CCSER1: variants seen among roughly 807,000 people sequenced by gnomAD.
The protein encoded by CCSER1 is serine-rich coiled-coil domain-containing protein 1.
CCSER1 carries 41 observed loss-of-function variants against 82.0 expected under a neutral mutation model. The ratio of observed to expected loss-of-function variants is 0.50; its 90% CI spans 0.39 to 0.65. CCSER1 has a LOEUF of 0.65. Ranked by LOEUF, CCSER1 falls within the 30% of genes least tolerant of loss-of-function variation. CCSER1 has a pLI of 0.00. For missense variants in CCSER1, 1,119 were observed against 1,064.2 expected (o/e 1.05, Z -0.72); for synonymous variants, 414 against 383.9 (o/e 1.08, Z -0.92).
chr4:90,565,412 G>A (rs1303804276), intron 5 of CCSER1, among the ~76,000 whole-genome samples: 3 of 152,084 alleles, frequency 2.0e-5, no homozygotes, highest in Non-Finnish European at 4.4e-5. Flanking sequence ...ACCATATTGA[G>A]TAATGTCTTT....
At chr4:90,155,385 T>C (rs1727889231) in intron 1 of CCSER1, among the ~76,000 whole-genome samples, 1 of 152,186 alleles carries the variant, frequency 6.6e-6, no homozygotes, top group Non-Finnish European at 1.5e-5. Context: ...AGGATGATGC[T>C]GGCCTCATAA....
At chr4:90,805,029 C>G (rs1757323732) in intron 7 of CCSER1, among the ~76,000 whole-genome samples, 1 of 152,028 alleles carries the variant, frequency 6.6e-6, no homozygotes, top group Non-Finnish European at 1.5e-5. Flanking sequence ...AAAAAATTTA[C>G]TGTATGCATT....
chr4:91,389,645 T>C (rs1404712713), intron 10 of CCSER1, among the ~76,000 whole-genome samples: 1 of 152,008 alleles, frequency 6.6e-6, no homozygotes, highest in Admixed American at 6.6e-5. Context: ...GTGGGGATTG[T>C]GTTGAATCTG....
At chr4:90,442,463 CAG>C (rs142427567) in intron 4 of CCSER1, among the ~76,000 whole-genome samples, 2,577 of 152,234 alleles carry the variant, frequency 0.017, 71 homozygotes, top group African/African-American at 0.059. Context: ...TCTAGTTCCA[CAG>C]AGTTTTCAGA....
In CCSER1 at chr4:91,222,166, G is replaced by T. The variant is rs1022776852; in HGVS notation, c.2217+136172G>T. On this transcript the variant is annotated intron_variant, in intron 10 of 10. Transcript: ENST00000509176. ...GCTGCTACTGTGAACTGATTTTCAGGGCTGAATGAAGAAGCACGGATTATG... is the reference window on the plus strand; with the variant it reads ...GCTGCTACTGTGAACTGATTTTCAGTGCTGAATGAAGAAGCACGGATTATG... Among the ~76,000 whole-genome samples, 3 of 150,782 alleles carry T rather than the reference G, an allele frequency of 2.0e-5. No homozygotes were observed. The Admixed American group carries it at 2.0e-4, about 10-fold the overall frequency.
chr4:90,544,358 G>A (rs1268174650), intron 5 of CCSER1, among the ~76,000 whole-genome samples: 1 of 152,056 alleles, frequency 6.6e-6, no homozygotes, highest in Non-Finnish European at 1.5e-5. Flanking sequence ...GCGTGGTTAT[G>A]ACTTATTATG....
intron 1 of CCSER1, among the ~76,000 whole-genome samples, chr4:90,273,009 AC>A (rs1426156183): frequency 1.9e-4 from 27 of 140,148 alleles, no homozygotes; most frequent in Admixed American, 1.6e-3. Flanking sequence ...TCTCAAAAAA[AC>A]AAACAAACAA....
At chr4:91,042,326 C>T (rs1485493468) in intron 9 of CCSER1, among the ~76,000 whole-genome samples, 2 of 152,184 alleles carry the variant, frequency 1.3e-5, no homozygotes, top group Non-Finnish European at 2.9e-5. Context: ...CATTCCCCTT[C>T]TACCAGGATT....
rs532495511 is a variant in CCSER1, at chr4:90,209,081, C to G, written c.-42+81250C>G. Reference sequence around the variant, plus strand: ...TTTCAGGTCTCCTATTTTTACCCTTCCAGAAGATGCTCAGAGGCTTACTTG... The same window carrying G: ...TTTCAGGTCTCCTATTTTTACCCTTGCAGAAGATGCTCAGAGGCTTACTTG... On this transcript the variant is annotated intron_variant, in intron 1 of 10. Coordinates refer to ENST00000509176, the MANE Select transcript of CCSER1 (RefSeq NM_001145065.2). Among the ~76,000 whole-genome samples, 4 of 152,248 alleles carry G rather than the reference C, an allele frequency of 2.6e-5. No individual in the cohort carries two copies. The South Asian group carries it at 8.3e-4, about 32-fold the overall frequency.
intron 8 of CCSER1, among the ~76,000 whole-genome samples, chr4:90,832,839 AG>A (rs1279725935): frequency 6.6e-6 from 1 of 152,222 alleles, no homozygotes; most frequent in Non-Finnish European, 1.5e-5. Context: ...GTTCTTCCAT[AG>A]AAAAATTACT....
chr4:90,458,128 C>T (rs1762418506), intron 4 of CCSER1, among the ~76,000 whole-genome samples: 1 of 152,114 alleles, frequency 6.6e-6, no homozygotes, highest in Admixed American at 6.5e-5. Context: ...TTCCTGGGCC[C>T]TCAAGAGCTC....
intron 5 of CCSER1, among the ~76,000 whole-genome samples, chr4:90,504,152 T>C (rs1239069803): frequency 6.6e-6 from 1 of 152,202 alleles, no homozygotes; most frequent in Non-Finnish European, 1.5e-5. Flanking sequence ...CAATTTTTTT[T>C]CAATAAGATC....
chr4:90,468,459 G>T, intron 5 of CCSER1, 105 bp downstream of exon 5: 1 of 1,027,218 alleles, frequency 9.7e-7, no homozygotes, highest in Non-Finnish European at 1.3e-6. Context: ...AAAGAAAGAA[G>T]AAATAAATTT....
At position 91,136,231 on chromosome 4, in the gene CCSER1, A is replaced by G. The variant is rs1284115812; in HGVS notation, c.2217+50237A>G. On this transcript the variant is annotated intron_variant, in intron 10 of 10. Transcript: ENST00000509176. ...CTTGCAGTTCATCAATTAAAACACTACTCTTCACACCTCATACATTTGCCA... is the reference window on the plus strand; with the variant it reads ...CTTGCAGTTCATCAATTAAAACACTGCTCTTCACACCTCATACATTTGCCA... Among the ~76,000 whole-genome samples the G allele has an allele frequency of 3.3e-5, 5 of 152,032 alleles. No homozygotes were observed. In the East Asian group the frequency reaches 9.7e-4, roughly 29 times the overall value.
At chr4:91,106,775 T>G (rs1725660262) in intron 10 of CCSER1, among the ~76,000 whole-genome samples, 1 of 152,232 alleles carries the variant, frequency 6.6e-6, no homozygotes, top group Non-Finnish European at 1.5e-5. Flanking sequence ...TCTTTACTTT[T>G]TTTGTTTGTA....
At chr4:90,791,614 GC>G (rs1192461926) in intron 7 of CCSER1, among the ~76,000 whole-genome samples, 1 of 152,064 alleles carries the variant, frequency 6.6e-6, no homozygotes, top group Non-Finnish European at 1.5e-5. Flanking sequence ...ACTTTGGGAG[GC>G]CAAGGCGGGC....
rs1046149982 is a variant in CCSER1, at chr4:90,641,774, T to G, written c.1932+13542T>G. Among the ~76,000 whole-genome samples the G allele has an allele frequency of 2.0e-5, 3 of 152,204 alleles. No individual in the cohort carries two copies. In the East Asian group the frequency reaches 5.8e-4, roughly 29 times the overall value. ...ACTTATATTATCTGCTAGTCATGCA[T>G]AATATTTGATTGCTTATAAGAAAAC... On this transcript the variant is annotated intron_variant, in intron 6 of 10. Coordinates refer to ENST00000509176, the MANE Select transcript of CCSER1 (RefSeq NM_001145065.2).
At chr4:90,615,672 GTTGT>G (rs1376926908) in intron 5 of CCSER1, among the ~76,000 whole-genome samples, 2 of 115,080 alleles carry the variant, frequency 1.7e-5, no homozygotes, top group African/African-American at 1.1e-4. Context: ...CACAGAAAGT[GTTGT>G]TTTTTTTTTT....
chr4:90,423,018 T>G (rs910168946), intron 4 of CCSER1, among the ~76,000 whole-genome samples: 1 of 152,192 alleles, frequency 6.6e-6, no homozygotes, highest in East Asian at 1.9e-4. Flanking sequence ...TGTCTACTTA[T>G]TGAACATCAG....
Sources: allele counts gnomAD v4.1 joint callset (sites outside exome capture counted in the v4.1 genomes callset), GRCh38; gene constraint gnomAD v4.1.1; transcripts MANE v1.5; gene names NCBI Gene and HGNC (gene_info 2026-07-23, HGNC 2026-07-21).